ARSG: variants seen among roughly 807,000 people sequenced by gnomAD.
ARSG encodes the protein arylsulfatase G, also known as ASG.
In ARSG, 37 loss-of-function variants were observed where a neutral mutation model predicts 50.5. That is an observed-to-expected ratio of 0.73 (90% CI 0.56 to 0.96). The LOEUF (loss-of-function observed/expected upper bound fraction) is 0.96. Among genes scored for constraint, ARSG ranks in the 50% least tolerant of loss-of-function variants. The pLI, the probability that ARSG is intolerant of heterozygous loss-of-function variation, is 0.00. For missense variants in ARSG, 629 were observed against 675.3 expected, an observed-to-expected ratio of 0.93 and a Z score of 0.76; for synonymous variants, 225 against 254.6, an observed-to-expected ratio of 0.88 and a Z score of 1.11.
At chr17:68,383,231 C>T (rs540637478) in intron 8 of ARSG, among the ~76,000 whole-genome samples, 12 of 152,068 alleles carry the variant, frequency 7.9e-5, no homozygotes, top group Non-Finnish European at 1.3e-4. Flanking sequence ...TTGGTGAAGA[C>T]CAATTAGCAA....
chr17:68,364,155 C>G (rs2079429171), intron 6 of ARSG, among the ~76,000 whole-genome samples: 2 of 152,164 alleles, frequency 1.3e-5, no homozygotes. Context: ...TCTCCACACC[C>G]TGTCTCCACA....
chr17:68,299,480 G>A (rs1555760631), intron 1 of ARSG, among the ~76,000 whole-genome samples: 2 of 151,868 alleles, frequency 1.3e-5, no homozygotes, highest in African/African-American at 4.8e-5. Context: ...TGCATAAGGT[G>A]GGCCTGCCAA....
At chr17:68,410,334 G>C (rs368754872) in intron 11 of ARSG, among the ~76,000 whole-genome samples, 27,594 of 139,690 alleles carry the variant, frequency 0.2, 2,714 homozygotes, top group Middle Eastern at 0.25. Flanking sequence ...TAGCATGAAG[G>C]GTTGTTGAAT....
intron 4 of ARSG, among the ~76,000 whole-genome samples, chr17:68,351,071 T>C (rs188303107): frequency 7.2e-5 from 11 of 152,264 alleles, no homozygotes; most frequent in Non-Finnish European, 1.3e-4. Flanking sequence ...GTGATCACTC[T>C]TGTTGGCTCA....
At chr17:68,275,234 T>A (rs1555750516) in intron 1 of ARSG, among the ~76,000 whole-genome samples, 1 of 152,210 alleles carries the variant, frequency 6.6e-6, no homozygotes, top group African/African-American at 2.4e-5. Context: ...CAAATTAGTT[T>A]CCTAGTTATA....
intron 6 of ARSG, among the ~76,000 whole-genome samples, chr17:68,363,875 G>A (rs562606186): frequency 3.0e-4 from 45 of 152,264 alleles, no homozygotes; most frequent in African/African-American, 1.1e-3. Flanking sequence ...TGGGGCGGGG[G>A]ACAAGTGGTT....
At chr17:68,435,749 G>A in the ARSG span, 12 of 1,591,224 alleles carry the variant, frequency 7.5e-6, no homozygotes, top group Middle Eastern at 1.7e-4. Context: ...CAGATGCTGC[G>A]GAGGAGGGAA....
rs529496276 is a variant in ARSG at position 68,413,417 on chromosome 17, C to A, written c.1304-6772C>A. Among the ~76,000 whole-genome samples, 35 of 152,348 alleles carry A rather than the reference C, an allele frequency of 2.3e-4. No individual in the cohort carries two copies. In the South Asian group the frequency reaches 6.0e-3, roughly 26 times the overall value. ...AGTCTGCCCCTGCTGGGGGGTGCCT[C>A]CCAGTTAGGCTGCTCGGGGGTCAGG... On this transcript the variant is annotated intron_variant, in intron 11 of 11. Coordinates refer to ENST00000621439, the MANE Select transcript of ARSG (RefSeq NM_001267727.2).
chr17:68,391,944 C>G (rs2081013073), intron 9 of ARSG, among the ~76,000 whole-genome samples: 1 of 152,118 alleles, frequency 6.6e-6, no homozygotes, highest in East Asian at 1.9e-4. Flanking sequence ...TAGGTAGAGC[C>G]CTGGAGAGGA....
At chr17:68,430,330 T>C in the ARSG span, among the ~76,000 whole-genome samples, 1 of 152,114 alleles carries the variant, frequency 6.6e-6, no homozygotes, top group African/African-American at 2.4e-5. Flanking sequence ...ATTCTGGCAA[T>C]AACTAAAGAG....
chr17:68,346,286 C>G (rs892079556), intron 3 of ARSG, among the ~76,000 whole-genome samples: 4 of 152,004 alleles, frequency 2.6e-5, no homozygotes, highest in Non-Finnish European at 5.9e-5. Flanking sequence ...CCAGTTTCAC[C>G]GATTCTTAAT....
chr17:68,451,248 T>G, the ARSG span, among the ~76,000 whole-genome samples: 2 of 152,134 alleles, frequency 1.3e-5, no homozygotes, highest in Admixed American at 6.5e-5. Flanking sequence ...CTGGCCAACA[T>G]GGCGAAACCC....
At chr17:68,429,976 G>A in the ARSG span, 1 of 1,613,862 alleles carries the variant, frequency 6.2e-7, no homozygotes, top group African/African-American at 1.3e-5. Context: ...CTTGTTCAGA[G>A]TGGGTGTCAT....
At chr17:68,356,018 A>T (rs1302895234) in intron 5 of ARSG, among the ~76,000 whole-genome samples, 1 of 152,044 alleles carries the variant, frequency 6.6e-6, no homozygotes, top group Non-Finnish European at 1.5e-5. Context: ...AGTAGCTGGG[A>T]TTACAGATGT....
At chr17:68,285,873 C>G (rs536730089) in intron 1 of ARSG, among the ~76,000 whole-genome samples, 4 of 152,016 alleles carry the variant, frequency 2.6e-5, no homozygotes, top group African/African-American at 9.6e-5. Flanking sequence ...CAATTCTTTG[C>G]GTCAGCCTCC....
chr17:68,433,055 T>C, the ARSG span, among the ~76,000 whole-genome samples: 8 of 152,382 alleles, frequency 5.2e-5, no homozygotes, highest in African/African-American at 1.7e-4. Flanking sequence ...GCAACAATGA[T>C]AAATAAATAT....
At chr17:68,372,394 T>A (rs138849605) in intron 8 of ARSG, among the ~76,000 whole-genome samples, 150 of 152,052 alleles carry the variant, frequency 9.9e-4, no homozygotes, top group African/African-American at 3.5e-3. Flanking sequence ...AGAAAAGAGG[T>A]TTAATTGACT....
chr17:68,370,364 G>A, intron 7 of ARSG, 80 bp from the exon 8 acceptor site: 7 of 1,282,232 alleles, frequency 5.5e-6, no homozygotes, highest in Non-Finnish European at 7.9e-6. Flanking sequence ...CTCTGCGCAA[G>A]GGATATAGGG....
At chr17:68,434,364 C>A in the ARSG span, among the ~76,000 whole-genome samples, 1 of 152,186 alleles carries the variant, frequency 6.6e-6, no homozygotes, top group African/African-American at 2.4e-5. Flanking sequence ...TGTGTTAAAA[C>A]AGCATCTCGG....
Sources: allele counts gnomAD v4.1 joint callset (sites outside exome capture counted in the v4.1 genomes callset), GRCh38; gene constraint gnomAD v4.1.1; transcripts MANE v1.5; gene names NCBI Gene and HGNC (gene_info 2026-07-23, HGNC 2026-07-21).